NFXL1: variants seen among roughly 807,000 people sequenced by gnomAD.
NFXL1 encodes NF-X1-type zinc finger protein NFXL1.
Under a neutral mutation model 123.3 loss-of-function variants are expected in NFXL1, and 66 were observed. That is an observed-to-expected ratio of 0.54 (90% confidence interval 0.44 to 0.66). The LOEUF is 0.66. Ranked by LOEUF, NFXL1 falls within the 30% of genes least tolerant of loss-of-function variation. The pLI is 0.00. For synonymous variants in NFXL1, 346 were observed against 360.8 expected (o/e 0.96, Z 0.46); for missense variants, 944 against 1,125.6 (o/e 0.84, Z 2.31).
chr4:47,903,853 T>C (rs1560604222), intron 4 of NFXL1, among the ~76,000 whole-genome samples: 1 of 152,132 alleles, frequency 6.6e-6, no homozygotes, highest in Non-Finnish European at 1.5e-5. Context: ...AATGCTAAAT[T>C]CTAAAAATTA....
chr4:47,855,084 C>A lies in NFXL1; in HGVS notation c.2396G>T (p.Arg799Ile). The A allele has an allele frequency of 6.5e-7, 1 of 1,529,820 alleles. No homozygotes were observed. The highest frequency in any genetic ancestry group is 9.0e-7 in the Non-Finnish European group (1 of 1,112,502). The allele number at this position is 1,529,820 out of a possible 1,614,324, so 94.8% of individuals were successfully genotyped here. A position where few individuals can be genotyped will look rare whatever the true frequency, so the allele number is the denominator to read the frequency against. Residue 799 changes from arginine to isoleucine, a missense_variant, in exon 20 of 23, where the codon AGA becomes ATA. By Grantham distance (97) the Arg-to-Ile change is moderately conservative. Around this residue, in one of 4 missense-constraint regions of NFXL1, gnomAD observed 301 missense variants for 348.0 expected, o/e 0.86. Transcript: ENST00000507489. ...CTTTTTTATTCTTTTACAAGGACAT[C>A]TAAGTTTTACCTTCTGGTTGCAGTT... ...PFNCNQKVKL[R>I]CPCKRIKKEL...
chr4:47,848,813 A>G (rs577460648), intron 22 of NFXL1, among the ~76,000 whole-genome samples: 18 of 152,150 alleles, frequency 1.2e-4, no homozygotes, highest in African/African-American at 4.1e-4. Flanking sequence ...GGCGTGAACC[A>G]GGGAGGCAGA....
chr4:47,852,240 G>A (rs898468325), intron 20 of NFXL1: 1 of 287,298 alleles, frequency 3.5e-6, no homozygotes, highest in Non-Finnish European at 6.5e-6. Context: ...TTTCTTTATT[G>A]TTTGTTATTC....
At chr4:47,875,506 A>AT (rs1472502884) in intron 17 of NFXL1, among the ~76,000 whole-genome samples, 2 of 152,134 alleles carry the variant, frequency 1.3e-5, no homozygotes, top group Non-Finnish European at 2.9e-5. Context: ...ATTCATATAG[A>AT]TTTTTTTGCC....
intron 3 of NFXL1, among the ~76,000 whole-genome samples, chr4:47,906,469 A>G (rs908590575): frequency 2.0e-5 from 3 of 152,188 alleles, no homozygotes; most frequent in African/African-American, 7.2e-5. Context: ...GCCCTACCAT[A>G]AAATAAATAT....
intron 16 of NFXL1, 74 bp from the exon 17 acceptor site, chr4:47,878,739 T>A: frequency 9.3e-7 from 1 of 1,069,604 alleles, no homozygotes; most frequent in Non-Finnish European, 1.3e-6. Flanking sequence ...TTTCCAAAAT[T>A]ACTCTGCTAT....
At chr4:47,902,742 CAA>C (rs1344158344) in intron 5 of NFXL1, among the ~76,000 whole-genome samples, 1 of 152,078 alleles carries the variant, frequency 6.6e-6, no homozygotes, top group Non-Finnish European at 1.5e-5. Flanking sequence ...TTGAAAAAAA[CAA>C]GACTTTATCA....
At chr4:47,875,506 A>C (rs1735689649) in intron 17 of NFXL1, among the ~76,000 whole-genome samples, 1 of 152,134 alleles carries the variant, frequency 6.6e-6, no homozygotes. Flanking sequence ...ATTCATATAG[A>C]TTTTTTTGCC....
chr4:47,889,089 G>A (rs1028810532), intron 12 of NFXL1, among the ~76,000 whole-genome samples: 1 of 152,130 alleles, frequency 6.6e-6, no homozygotes, highest in Non-Finnish European at 1.5e-5. Flanking sequence ...ATCAGGTTAA[G>A]GATATGTCTA....
chr4:47,885,492 C>T lies in NFXL1; in HGVS notation c.1824+6G>A, dbSNP rs1000906234. ...CACTATTTCTCTAATAGTATTATTC[C>T]CTTACCCTGCCAGTCTGCTTTATTA... On this transcript the variant is annotated splice_donor_region_variant and intron_variant, in intron 14 of 22. Coordinates refer to ENST00000507489, the MANE Select transcript of NFXL1 (RefSeq NM_001278624.2). The T allele has an allele frequency of 6.2e-7, 1 of 1,606,598 alleles. No homozygotes were observed. Among genetic ancestry groups the T allele is most frequent in the African/African-American group, 1.3e-5 (1 of 74,746 alleles).
At chr4:47,873,916 T>C (rs1432373777) in intron 18 of NFXL1, among the ~76,000 whole-genome samples, 1 of 152,260 alleles carries the variant, frequency 6.6e-6, no homozygotes, top group African/African-American at 2.4e-5. Context: ...CCTTCTTAGA[T>C]AACTTGCTGC....
At chr4:47,903,092 T>G (rs1282864128) in intron 5 of NFXL1, 101 bp downstream of exon 5, 4 of 632,276 alleles carry the variant, frequency 6.3e-6, no homozygotes, top group Non-Finnish European at 1.0e-5. Context: ...GAGGTGGAGG[T>G]TGCAGTGAGC....
chr4:47,882,299 G>A (rs965310860), intron 15 of NFXL1: 2 of 152,126 alleles, frequency 1.3e-5, no homozygotes, highest in African/African-American at 2.4e-5. Flanking sequence ...TGGAGCTTCG[G>A]AGAAGTTTCC....
At chr4:47,871,707 C>G (rs1240230748) in intron 18 of NFXL1, among the ~76,000 whole-genome samples, 1 of 152,110 alleles carries the variant, frequency 6.6e-6, no homozygotes, top group Non-Finnish European at 1.5e-5. Flanking sequence ...TACAAAACTT[C>G]TAAGACTAAA....
chr4:47,848,250 T>C lies in NFXL1; in HGVS notation c.2649A>G (p.Leu883=), dbSNP rs1232530470. 6 of 1,613,080 alleles carry C rather than the reference T, an allele frequency of 3.7e-6. No homozygotes were observed. Among genetic ancestry groups the C allele is most frequent in the Non-Finnish European group, 4.2e-6 (5 of 1,179,230 alleles). ...KRDEVAVELS[L]WQKHKYYLIS... ...TGAGATAATATTTATGTTTTTGCCATAGTGATAGCTCAACTGCCACTTCAT... is the reference window on the plus strand; with the variant it reads ...TGAGATAATATTTATGTTTTTGCCACAGTGATAGCTCAACTGCCACTTCAT... Residue 883 remains leucine (L), a synonymous_variant, in exon 23 of 23, where the codon CTA becomes CTG. Coordinates refer to ENST00000507489, the MANE Select transcript of NFXL1 (RefSeq NM_001278624.2).
chr4:47,866,450 T>C (rs548677934), intron 18 of NFXL1, among the ~76,000 whole-genome samples: 3 of 152,296 alleles, frequency 2.0e-5, no homozygotes, highest in East Asian at 1.9e-4. Flanking sequence ...CATAAAGATA[T>C]GTAATTTACA....
At chr4:47,880,464 C>T (rs1209072979) in intron 15 of NFXL1, among the ~76,000 whole-genome samples, 1 of 147,096 alleles carries the variant, frequency 6.8e-6, no homozygotes, top group Non-Finnish European at 1.5e-5. Flanking sequence ...AAAAGATAAG[C>T]CACAGACTGG....
At chr4:47,868,963 G>C (rs1162525313) in intron 18 of NFXL1, among the ~76,000 whole-genome samples, 1 of 152,216 alleles carries the variant, frequency 6.6e-6, no homozygotes, top group East Asian at 1.9e-4. Context: ...GCTCATGCCT[G>C]TAATCTCAAC....
chr4:47,848,485 A>G, intron 22 of NFXL1, 149 bp from the exon 23 acceptor site: 1 of 600,296 alleles, frequency 1.7e-6, no homozygotes, highest in Non-Finnish European at 2.8e-6. Flanking sequence ...ACTACTCTCC[A>G]CTACTGATTG....
Sources: gnomAD v4.1 joint callset for allele counts (sites outside exome capture counted in the v4.1 genomes callset) on GRCh38, gnomAD v4.1.1 for gene constraint, gnomAD v4.1.1 regional missense constraint, MANE v1.5 for transcripts, NCBI Gene and HGNC (gene_info 2026-07-23, HGNC 2026-07-21) for gene names.